The following LRRC7 variants were observed in gnomAD, a reference collection of about 807,000 sequenced individuals.
The protein encoded by LRRC7 is leucine-rich repeat-containing protein 7.
Under a neutral mutation model 175.7 loss-of-function variants are expected in LRRC7, and 23 were observed. The observed-to-expected ratio is 0.13, with a 90% CI of 0.09 to 0.19. The LOEUF (loss-of-function observed/expected upper bound fraction) is 0.19. LRRC7 is among the 10% of genes least tolerant of loss of function. The pLI is 1.00. For missense variants in LRRC7, 1,354 were observed against 1,904.7 expected, an observed-to-expected ratio of 0.71 and a Z score of 5.38; for synonymous variants, 685 against 680.9, an observed-to-expected ratio of 1.01 and a Z score of -0.09.
At chr1:69,986,480 T>C in intron 10 of LRRC7, 94 bp downstream of exon 10, 1 of 963,802 alleles carries the variant, frequency 1.0e-6, no homozygotes, top group Non-Finnish European at 1.4e-6. Flanking sequence ...GGTAATATAC[T>C]GTTAGTCTGA....
intron 1 of LRRC7, among the ~76,000 whole-genome samples, chr1:69,592,494 G>T (rs569989309): frequency 2.0e-5 from 3 of 152,030 alleles, no homozygotes; most frequent in African/African-American, 7.2e-5. Context: ...TACATTAAAA[G>T]TACCTAATGC....
chr1:69,599,774 G>A (rs1646978441), intron 1 of LRRC7, among the ~76,000 whole-genome samples: 1 of 152,100 alleles, frequency 6.6e-6, no homozygotes, highest in Non-Finnish European at 1.5e-5. Context: ...ACAAGTCCTG[G>A]GGAAGGATAA....
intron 7 of LRRC7, among the ~76,000 whole-genome samples, chr1:69,870,904 C>A (rs1685466632): frequency 6.6e-6 from 1 of 152,028 alleles, no homozygotes; most frequent in Admixed American, 6.6e-5. Context: ...TGTCTTAGAG[C>A]AAGCATGACG....
At chr1:69,903,984 A>G (rs552690637) in intron 7 of LRRC7, among the ~76,000 whole-genome samples, 1 of 152,172 alleles carries the variant, frequency 6.6e-6, no homozygotes, top group East Asian at 1.9e-4. Flanking sequence ...TAAACCAATA[A>G]CAAGCTCTGA....
chr1:69,781,685 A>G (rs1240661716), intron 3 of LRRC7, among the ~76,000 whole-genome samples: 3 of 83,658 alleles, frequency 3.6e-5, no homozygotes, highest in South Asian at 3.2e-4. Context: ...GTCTCAAAAA[A>G]AAGAAGAAAG....
chr1:69,588,537 A>G (rs138321335), intron 1 of LRRC7, among the ~76,000 whole-genome samples: 1 of 152,304 alleles, frequency 6.6e-6, no homozygotes, highest in Non-Finnish European at 1.5e-5. Flanking sequence ...TAGTGGATAA[A>G]GTATGAGCTT....
intron 7 of LRRC7, among the ~76,000 whole-genome samples, chr1:69,881,790 G>T (rs1287748950): frequency 6.6e-6 from 1 of 151,256 alleles, no homozygotes; most frequent in Admixed American, 6.6e-5. Flanking sequence ...TGAGGTGGGA[G>T]GATCACTGAA....
Position 69,820,683 on chromosome 1 carries a change from A to C in LRRC7, c.422-5065A>C, listed in dbSNP as rs570774532. 7.0e-4 allele frequency among the ~76,000 whole-genome samples: 106 copies of C among 152,046 alleles called. 1 individual carries two copies. The highest frequency in any genetic ancestry group is 2.3e-3 in the African/African-American group (95 of 41,326). On this transcript the variant is annotated intron_variant, in intron 4 of 26. Coordinates refer to ENST00000651989, the MANE Select transcript of LRRC7 (RefSeq NM_001370785.2). Reference sequence around the variant, plus strand: ...AGCTTCATCCATGTCCCTGCAAAGGACATGAACTCATCCTTTTTTATAGAT... The same window carrying C: ...AGCTTCATCCATGTCCCTGCAAAGGCCATGAACTCATCCTTTTTTATAGAT...
chr1:69,823,302 A>G lies in LRRC7; in HGVS notation c.422-2446A>G, dbSNP rs182848244. 3.9e-3 allele frequency among the ~76,000 whole-genome samples: 600 copies of G among 152,320 alleles called. 4 individuals are homozygous for G. Among genetic ancestry groups the G allele is most frequent in the African/African-American group, 0.013 (529 of 41,582 alleles). Reference sequence around the variant, plus strand: ...CAGATACTAAAATGTCTCAACTATTATAAATTCATCTTTACTGTCTTTTTG... The same window carrying G: ...CAGATACTAAAATGTCTCAACTATTGTAAATTCATCTTTACTGTCTTTTTG... On this transcript the variant is annotated intron_variant, in intron 4 of 26. Coordinates refer to ENST00000651989, the MANE Select transcript of LRRC7 (RefSeq NM_001370785.2).
At chr1:69,644,149 A>G (rs186149131) in intron 1 of LRRC7, among the ~76,000 whole-genome samples, 97 of 152,186 alleles carry the variant, frequency 6.4e-4, no homozygotes, top group Non-Finnish European at 9.0e-4. Context: ...TGGATATAGC[A>G]TTCTATAAAT....
chr1:70,044,841 T>G (rs1055953017), intron 22 of LRRC7, among the ~76,000 whole-genome samples: 1 of 152,168 alleles, frequency 6.6e-6, no homozygotes, highest in Non-Finnish European at 1.5e-5. Context: ...TACATTTTAG[T>G]GGAAACCAAT....
At chr1:69,887,623 A>G (rs1199425011) in intron 7 of LRRC7, among the ~76,000 whole-genome samples, 9 of 152,174 alleles carry the variant, frequency 5.9e-5, no homozygotes, top group Non-Finnish European at 8.8e-5. Context: ...CAGCTCGCCA[A>G]AGTCATTCTC....
intron 4 of LRRC7, among the ~76,000 whole-genome samples, chr1:69,804,495 A>G (rs1244690990): frequency 6.6e-6 from 1 of 151,564 alleles, no homozygotes; most frequent in East Asian, 1.9e-4. Context: ...GTTCAGTAAA[A>G]GATATTCTTT....
intron 5 of LRRC7, among the ~76,000 whole-genome samples, chr1:69,830,910 T>C (rs950052823): frequency 6.6e-6 from 1 of 151,896 alleles, no homozygotes; most frequent in African/African-American, 2.4e-5. Context: ...TCCAGTTTTG[T>C]CACTGGAACC....
At chr1:69,859,117 T>C (rs1159835826) in intron 7 of LRRC7, among the ~76,000 whole-genome samples, 2 of 152,132 alleles carry the variant, frequency 1.3e-5, no homozygotes, top group East Asian at 3.8e-4. Context: ...CTACCGCCTC[T>C]GCCCAAAAAA....
intron 23 of LRRC7, among the ~76,000 whole-genome samples, chr1:70,069,542 A>G (rs1662227689): frequency 1.3e-5 from 2 of 152,108 alleles, no homozygotes; most frequent in African/African-American, 4.8e-5. Context: ...GGTTTGTTCT[A>G]TGTGGAACTC....
chr1:70,134,113 CATAAT>C lies in LRRC7; in HGVS notation c.*12229_*12233del, dbSNP rs1295447069. ...TTTATTTATGTGTATGAGTAATCAG[CATAAT>C]ATGACAATCAGATTTTATTTTATTA... On this transcript the variant is annotated 3_prime_UTR_variant, in exon 27 of 27. Coordinates refer to ENST00000651989, the MANE Select transcript of LRRC7 (RefSeq NM_001370785.2). Among the ~76,000 whole-genome samples the C allele has an allele frequency of 6.6e-6, 1 of 152,118 alleles. No individual in the cohort carries two copies. The highest frequency in any genetic ancestry group is 1.5e-5 in the Non-Finnish European group (1 of 68,018).
At chr1:69,789,334 T>C (rs898906537) in intron 3 of LRRC7, among the ~76,000 whole-genome samples, 11 of 147,906 alleles carry the variant, frequency 7.4e-5, no homozygotes, top group African/African-American at 2.5e-4. Flanking sequence ...ATGCCTTTAA[T>C]TCAATTCAAG....
At chr1:70,114,375 C>T (rs17131215) in intron 26 of LRRC7, among the ~76,000 whole-genome samples, 19,522 of 151,994 alleles carry the variant, frequency 0.13, 1,733 homozygotes, top group African/African-American at 0.25. Flanking sequence ...AGGTTAAAAA[C>T]TATGTTGATC....
Sources: gnomAD v4.1 joint callset for allele counts (sites outside exome capture counted in the v4.1 genomes callset) on GRCh38, gnomAD v4.1.1 for gene constraint, MANE v1.5 for transcripts, NCBI Gene and HGNC (gene_info 2026-07-23, HGNC 2026-07-21) for gene names.